Variants in MARCHF1 observed in about 807,000 individuals in gnomAD.
MARCHF1 encodes membrane associated ring-CH-type finger 1, also known as E3 ubiquitin-protein ligase MARCHF1.
A neutral mutation model predicts 54.2 loss-of-function variants in MARCHF1; 40 were observed. The ratio of observed to expected loss-of-function variants is 0.74; its 90% CI spans 0.57 to 0.96. MARCHF1 has a LOEUF of 0.96. Among genes scored for constraint, MARCHF1 ranks in the 40% least tolerant of loss-of-function variants. The pLI is 0.00. For missense variants in MARCHF1, 586 were observed against 656.5 expected, an observed-to-expected ratio of 0.89 and a Z score of 1.17; for synonymous variants, 236 against 236.3, an observed-to-expected ratio of 1.00 and a Z score of 0.01.
chr4:163,553,558 TAGAAACA>T (rs1228786491), intron 8 of MARCHF1, among the ~76,000 whole-genome samples: 1 of 152,204 alleles, frequency 6.6e-6, no homozygotes, highest in African/African-American at 2.4e-5. Flanking sequence ...ATATACTAGG[TAGAAACA>T]GCTAAAAGAT....
chr4:164,364,761 G>C (rs1305652832), intron 1 of MARCHF1, among the ~76,000 whole-genome samples: 1 of 151,098 alleles, frequency 6.6e-6, no homozygotes, highest in Non-Finnish European at 1.5e-5. Context: ...TTTGATGAAG[G>C]TAGTTTAACC....
intron 1 of MARCHF1, among the ~76,000 whole-genome samples, chr4:164,135,200 T>G (rs1756376244): frequency 1.3e-5 from 2 of 152,224 alleles, no homozygotes; most frequent in Admixed American, 1.3e-4. Flanking sequence ...TTCTTCCATT[T>G]GGAAACACAA....
intron 1 of MARCHF1, among the ~76,000 whole-genome samples, chr4:164,302,627 C>A (rs1734591384): frequency 6.6e-6 from 1 of 151,978 alleles, no homozygotes; most frequent in Non-Finnish European, 1.5e-5. Flanking sequence ...CCTGTAATCC[C>A]AGCATGTTGT....
chr4:164,092,255 C>T (rs888109293), intron 2 of MARCHF1, among the ~76,000 whole-genome samples: 1 of 152,150 alleles, frequency 6.6e-6, no homozygotes, highest in Non-Finnish European at 1.5e-5. Context: ...CTGGAATAGA[C>T]ACTTATTCTG....
rs150709757 is a variant in MARCHF1, at chr4:164,002,184, C to T, written c.-247-13475G>A. ...ACAACAGAATATTCACAATATCTGG[C>T]ATTGAATAAGACATGACTAGATATA... On this transcript the variant is annotated intron_variant, in intron 2 of 9. Coordinates refer to ENST00000514618, the MANE Select transcript of MARCHF1 (RefSeq NM_001394959.1). Among the ~76,000 whole-genome samples the T allele has an allele frequency of 2.0e-4, 30 of 151,552 alleles. No individual in the cohort carries two copies. The East Asian group carries it at 5.4e-3, about 27-fold the overall frequency.
intron 2 of MARCHF1, among the ~76,000 whole-genome samples, chr4:164,077,594 A>T (rs1306789080): frequency 6.6e-6 from 1 of 152,228 alleles, no homozygotes; most frequent in Non-Finnish European, 1.5e-5. Flanking sequence ...TGAACAGGCA[A>T]CCTACAGAAT....
intron 1 of MARCHF1, among the ~76,000 whole-genome samples, chr4:164,154,676 C>A (rs559545445): frequency 6.6e-6 from 1 of 152,290 alleles, no homozygotes; most frequent in East Asian, 1.9e-4. Context: ...GGGTAGGAGT[C>A]TGAGACTCCC....
At chr4:164,043,066 G>A (rs547881638) in intron 2 of MARCHF1, among the ~76,000 whole-genome samples, 1 of 152,296 alleles carries the variant, frequency 6.6e-6, no homozygotes, top group East Asian at 1.9e-4. Flanking sequence ...GTTGAGTGCC[G>A]GTGGCTTTTC....
intron 8 of MARCHF1, among the ~76,000 whole-genome samples, chr4:163,562,297 AAAACAAAAC>A (rs1480187959): frequency 1.7e-4 from 5 of 30,212 alleles, no homozygotes; most frequent in African/African-American, 9.3e-4. Flanking sequence ...CTCTGTCTCA[AAAACAAAAC>A]AAAACAAAAC....
At chr4:164,063,814 GTCTT>G (rs1754671139) in intron 2 of MARCHF1, among the ~76,000 whole-genome samples, 1 of 151,742 alleles carries the variant, frequency 6.6e-6, no homozygotes, top group Non-Finnish European at 1.5e-5. Flanking sequence ...TAGAATAACT[GTCTT>G]TTTTTTTTAA....
Position 163,792,148 on chromosome 4 carries a change from A to G in MARCHF1, c.111+61873T>C, listed in dbSNP as rs544082284. ...TCCTGCAGTTGCCACCAAGGCCTTT[A>G]GATCAACAACATGTCATTATGCCAT... On this transcript the variant is annotated intron_variant, in intron 4 of 9. Coordinates refer to ENST00000514618, the MANE Select transcript of MARCHF1 (RefSeq NM_001394959.1). Among the ~76,000 whole-genome samples, 139 of 152,306 alleles carry G rather than the reference A, an allele frequency of 9.1e-4. 1 individual carries two copies. Among genetic ancestry groups the G allele is most frequent in the African/African-American group, 3.2e-3 (134 of 41,584 alleles).
chr4:163,918,646 G>A (rs1751361809), intron 3 of MARCHF1, among the ~76,000 whole-genome samples: 2 of 152,016 alleles, frequency 1.3e-5, no homozygotes, highest in Non-Finnish European at 2.9e-5. Flanking sequence ...TGTGTGTAAT[G>A]TTTTCTTCTT....
chr4:163,828,809 T>C (rs1748931751), intron 4 of MARCHF1: 2 of 152,176 alleles, frequency 1.3e-5, no homozygotes, highest in African/African-American at 2.4e-5. Flanking sequence ...AAAAAGCAAG[T>C]TCAATGGGCT....
intron 4 of MARCHF1, among the ~76,000 whole-genome samples, chr4:163,814,066 C>T (rs963615798): frequency 6.6e-6 from 1 of 152,074 alleles, no homozygotes; most frequent in Non-Finnish European, 1.5e-5. Context: ...CCTTGCTCTC[C>T]CAGGATCGAT....
chr4:163,631,050 C>A (rs182060115), intron 5 of MARCHF1, among the ~76,000 whole-genome samples: 2 of 152,222 alleles, frequency 1.3e-5, no homozygotes, highest in African/African-American at 4.8e-5. Flanking sequence ...TTCCCAGTTT[C>A]ATAGAATATC....
At chr4:164,362,166 T>C (rs1561019222) in intron 1 of MARCHF1, among the ~76,000 whole-genome samples, 1 of 152,180 alleles carries the variant, frequency 6.6e-6, no homozygotes, top group Non-Finnish European at 1.5e-5. Flanking sequence ...CTGGCTTGTA[T>C]AGAAAACCTT....
At chr4:164,111,781 G>T (rs1755839054) in intron 1 of MARCHF1, 119 bp from the exon 2 acceptor site, 1 of 151,724 alleles carries the variant, frequency 6.6e-6, no homozygotes, top group Non-Finnish European at 1.5e-5. Flanking sequence ...TATGTAAGTA[G>T]TCTTTAAAAT....
rs1196309828 is a variant in MARCHF1 at position 163,525,801 on chromosome 4, A to C, written c.*2947T>G. 1.3e-5 allele frequency: 2 copies of C among 152,066 alleles called. No homozygotes were observed. The highest frequency in any genetic ancestry group is 2.9e-5 in the Non-Finnish European group (2 of 67,994). The allele number at this position is 152,066 out of a possible 1,614,324, so 9.4% of individuals were successfully genotyped here. Reference sequence around the variant, plus strand: ...AGAGCAGTTTTTCTTTTTGAAGGGTATAGTCAGTCAGTCTACAAAAAAGCA... The same window carrying C: ...AGAGCAGTTTTTCTTTTTGAAGGGTCTAGTCAGTCAGTCTACAAAAAAGCA... On this transcript the variant is annotated 3_prime_UTR_variant, in exon 10 of 10. Coordinates refer to ENST00000514618, the MANE Select transcript of MARCHF1 (RefSeq NM_001394959.1).
chr4:164,031,503 C>G (rs147916942), intron 2 of MARCHF1, among the ~76,000 whole-genome samples: 1 of 151,338 alleles, frequency 6.6e-6, no homozygotes, highest in Non-Finnish European at 1.5e-5. Flanking sequence ...GAAATATGGT[C>G]CAGGAATAAC....
Sources: allele counts gnomAD v4.1 joint callset (sites outside exome capture counted in the v4.1 genomes callset), GRCh38; gene constraint gnomAD v4.1.1; transcripts MANE v1.5; gene names NCBI Gene and HGNC (gene_info 2026-07-23, HGNC 2026-07-21).